The following NRG3 variants were observed in gnomAD, a reference collection of about 807,000 sequenced individuals.
NRG3 encodes the protein neuregulin 3, also known as pro-neuregulin-3, membrane-bound isoform.
NRG3 carries 31 observed loss-of-function variants against 66.9 expected under a neutral mutation model. That is an observed-to-expected ratio of 0.46 (90% confidence interval 0.35 to 0.63). NRG3 has a LOEUF of 0.63. NRG3 is among the 20% of genes least tolerant of loss of function. The pLI, the probability that NRG3 is intolerant of heterozygous loss-of-function variation, is 0.00. For missense variants in NRG3, 910 were observed against 878.9 expected (o/e 1.04, Z -0.45); for synonymous variants, 393 against 359.4 (o/e 1.09, Z -1.06).
At chr10:82,568,214 A>C (rs967653838) in intron 2 of NRG3, among the ~76,000 whole-genome samples, 1 of 151,856 alleles carries the variant, frequency 6.6e-6, no homozygotes, top group Non-Finnish European at 1.5e-5. Flanking sequence ...AAAGAGGCAA[A>C]GTCATGAAGG....
At chr10:82,762,580 C>A (rs2059371833) in intron 3 of NRG3, among the ~76,000 whole-genome samples, 2 of 152,120 alleles carry the variant, frequency 1.3e-5, no homozygotes, top group Non-Finnish European at 2.9e-5. Context: ...GAAATCAGTT[C>A]TTCCGTATAC....
At chr10:82,216,694 A>G (rs920371545) in intron 1 of NRG3, among the ~76,000 whole-genome samples, 16 of 151,250 alleles carry the variant, frequency 1.1e-4, no homozygotes, top group Non-Finnish European at 2.9e-5. Context: ...AATTTTCTTC[A>G]GTCTCATAGC....
intron 1 of NRG3, among the ~76,000 whole-genome samples, chr10:82,206,257 C>T (rs2075109875): frequency 1.3e-5 from 2 of 152,326 alleles, no homozygotes; most frequent in Non-Finnish European, 2.9e-5. Flanking sequence ...TAACTGAAAT[C>T]TCCATGACCT....
At chr10:81,980,294 A>G (rs1160103114) in intron 1 of NRG3, among the ~76,000 whole-genome samples, 3 of 151,998 alleles carry the variant, frequency 2.0e-5, no homozygotes, top group African/African-American at 4.8e-5. Flanking sequence ...CAATTATTAC[A>G]TGTGTAAATT....
chr10:82,357,038 G>A (rs2083829697), intron 1 of NRG3, among the ~76,000 whole-genome samples: 1 of 152,190 alleles, frequency 6.6e-6, no homozygotes, highest in Admixed American at 6.5e-5. Flanking sequence ...ATGCAGTGAT[G>A]AAAGTGATAA....
At chr10:82,122,384 A>C (rs1398417335) in intron 1 of NRG3, among the ~76,000 whole-genome samples, 1 of 152,150 alleles carries the variant, frequency 6.6e-6, no homozygotes, top group Non-Finnish European at 1.5e-5. Context: ...CTTATGGCAC[A>C]GATGCATGAG....
intron 1 of NRG3, among the ~76,000 whole-genome samples, chr10:82,334,306 G>A (rs2082282674): frequency 6.6e-6 from 1 of 152,144 alleles, no homozygotes; most frequent in Non-Finnish European, 1.5e-5. Flanking sequence ...TCGAAGCATG[G>A]AAGGAGTACA....
chr10:82,153,092 G>A (rs1262207839), intron 1 of NRG3, among the ~76,000 whole-genome samples: 2 of 151,790 alleles, frequency 1.3e-5, no homozygotes, highest in Non-Finnish European at 2.9e-5. Context: ...TACTCTTTTA[G>A]CAATTTTAGC....
Position 81,917,631 on chromosome 10 carries a change from G to A in NRG3, c.823+41468G>A, listed in dbSNP as rs57010019. On this transcript the variant is annotated intron_variant, in intron 1 of 8. Transcript: ENST00000372141. The stretch of plus-strand genomic sequence containing the variant: ...GCAACATAACTATTGTAAGAGGAGG[G>A]CAGTTTTAAAAATTCAAATAGTCAT... Among the ~76,000 whole-genome samples, 869 of 152,304 alleles carry A rather than the reference G, an allele frequency of 5.7e-3. 3 individuals carry two copies. The highest frequency in any genetic ancestry group is 0.012 in the African/African-American group (484 of 41,564).
At chr10:82,811,477 G>C (rs921721339) in intron 3 of NRG3, among the ~76,000 whole-genome samples, 1 of 152,172 alleles carries the variant, frequency 6.6e-6, no homozygotes, top group East Asian at 1.9e-4. Context: ...ATTCTGGGGA[G>C]ATATCAGTGA....
intron 4 of NRG3, among the ~76,000 whole-genome samples, chr10:82,867,528 A>G (rs890848456): frequency 6.6e-6 from 1 of 152,198 alleles, no homozygotes; most frequent in African/African-American, 2.4e-5. Context: ...ATTTTTCATA[A>G]GAGACAAGAG....
intron 3 of NRG3, among the ~76,000 whole-genome samples, chr10:82,830,644 C>T (rs2135668578): frequency 6.6e-6 from 1 of 151,776 alleles, no homozygotes; most frequent in African/African-American, 2.4e-5. Flanking sequence ...TCATGAGGCT[C>T]AAAAACGACT....
At chr10:82,479,777 C>T (rs1842100373) in intron 2 of NRG3, among the ~76,000 whole-genome samples, 1 of 151,796 alleles carries the variant, frequency 6.6e-6, no homozygotes, top group East Asian at 2.0e-4. Flanking sequence ...ACCATCCTGG[C>T]TAACATGGTA....
At chr10:82,251,406 G>A (rs965421462) in intron 1 of NRG3, among the ~76,000 whole-genome samples, 4 of 152,144 alleles carry the variant, frequency 2.6e-5, no homozygotes, top group African/African-American at 9.7e-5. Flanking sequence ...CTCATCTACA[G>A]TGGCCCTGCA....
At chr10:82,348,781 T>C (rs2135477946) in intron 1 of NRG3, among the ~76,000 whole-genome samples, 1 of 151,870 alleles carries the variant, frequency 6.6e-6, no homozygotes, top group Non-Finnish European at 1.5e-5. Flanking sequence ...TTATTCTTTT[T>C]TCTCTAAACT....
chr10:82,956,037 C>T (rs2132410647), intron 5 of NRG3, among the ~76,000 whole-genome samples: 1 of 151,992 alleles, frequency 6.6e-6, no homozygotes, highest in East Asian at 1.9e-4. Flanking sequence ...CATTTCTTCC[C>T]TTTGCTTCCA....
chr10:82,935,571 C>A (rs1847983277), intron 4 of NRG3, among the ~76,000 whole-genome samples: 1 of 152,150 alleles, frequency 6.6e-6, no homozygotes, highest in Non-Finnish European at 1.5e-5. Context: ...AACAGGTAAT[C>A]TATTATTTAT....
intron 1 of NRG3, among the ~76,000 whole-genome samples, chr10:82,175,170 G>A (rs2072934351): frequency 1.3e-5 from 2 of 152,088 alleles, no homozygotes; most frequent in Admixed American, 1.3e-4. Context: ...GCTGCTCTGG[G>A]CCATCCCCTC....
At chr10:82,590,237 G>A (rs1008234288) in intron 2 of NRG3, among the ~76,000 whole-genome samples, 10 of 152,122 alleles carry the variant, frequency 6.6e-5, no homozygotes, top group Admixed American at 1.3e-4. Flanking sequence ...AAAACTTAAC[G>A]GTAATGATCA....
Sources: gnomAD v4.1 joint callset for allele counts (sites outside exome capture counted in the v4.1 genomes callset) on GRCh38, gnomAD v4.1.1 for gene constraint, MANE v1.5 for transcripts, NCBI Gene and HGNC (gene_info 2026-07-23, HGNC 2026-07-21) for gene names.